Variants in ABTB3 observed in about 807,000 individuals in gnomAD.
ABTB3 encodes ankyrin repeat- and BTB/POZ domain-containing protein 3.
At chr12:107,543,690 G>A in the ABTB3 span, among the ~76,000 whole-genome samples, 1 of 152,052 alleles carries the variant, frequency 6.6e-6, no homozygotes, top group Non-Finnish European at 1.5e-5. Context: ...GGTTCCAGAA[G>A]GGCAGGATTA....
chr12:107,633,627 G>C, the ABTB3 span, among the ~76,000 whole-genome samples: 1 of 152,180 alleles, frequency 6.6e-6, no homozygotes, highest in African/African-American at 2.4e-5. Context: ...GCCTGAATGA[G>C]AGTGTGCATT....
At chr12:107,524,178 T>C in the ABTB3 span, among the ~76,000 whole-genome samples, 1 of 152,358 alleles carries the variant, frequency 6.6e-6, no homozygotes, top group Admixed American at 6.5e-5. Context: ...GGCACACAAA[T>C]GGGTGTTGCT....
the ABTB3 span, among the ~76,000 whole-genome samples, chr12:107,630,012 C>T: frequency 6.6e-6 from 1 of 152,102 alleles, no homozygotes. Context: ...TCCCAGGTAA[C>T]CAGGACAGAT....
the ABTB3 span, among the ~76,000 whole-genome samples, chr12:107,517,016 A>C: frequency 1.3e-5 from 2 of 152,206 alleles, no homozygotes; most frequent in South Asian, 4.1e-4. Flanking sequence ...CTAATATTTA[A>C]GTCTTTAATC....
the ABTB3 span, among the ~76,000 whole-genome samples, chr12:107,387,456 C>T: frequency 1.3e-5 from 2 of 152,208 alleles, no homozygotes; most frequent in Non-Finnish European, 2.9e-5. Flanking sequence ...GGGCTAGGTG[C>T]TGAGGGCTCA....
chr12:107,319,189 C>T, the ABTB3 span: 2 of 1,595,876 alleles, frequency 1.3e-6, no homozygotes, highest in Middle Eastern at 1.7e-4. Flanking sequence ...TGGACTGCGC[C>T]GGCCAGCACT....
At chr12:107,596,356 G>A in the ABTB3 span, among the ~76,000 whole-genome samples, 2 of 152,236 alleles carry the variant, frequency 1.3e-5, no homozygotes, top group Admixed American at 6.5e-5. Flanking sequence ...GCTCACGCCT[G>A]TAATCCCAGC....
At chr12:107,424,889 T>TTATG in the ABTB3 span, among the ~76,000 whole-genome samples, 1 of 152,188 alleles carries the variant, frequency 6.6e-6, no homozygotes, top group Admixed American at 6.5e-5. Context: ...CTGTTAGGTT[T>TTATG]GCCTGATTAA....
At chr12:107,471,594 T>C in the ABTB3 span, among the ~76,000 whole-genome samples, 3 of 152,196 alleles carry the variant, frequency 2.0e-5, no homozygotes, top group Non-Finnish European at 4.4e-5. Flanking sequence ...TACTTTGAGG[T>C]TGGTGTGAGC....
At chr12:107,343,074 G>A in the ABTB3 span, among the ~76,000 whole-genome samples, 16 of 152,240 alleles carry the variant, frequency 1.1e-4, no homozygotes, top group African/African-American at 3.9e-4. Flanking sequence ...GAGTGCAGGG[G>A]CACGATCATG....
At chr12:107,408,935 C>G in the ABTB3 span, among the ~76,000 whole-genome samples, 1 of 152,260 alleles carries the variant, frequency 6.6e-6, no homozygotes, top group Non-Finnish European at 1.5e-5. Context: ...TAGCCCACCC[C>G]TCCAAAAAGT....
the ABTB3 span, chr12:107,657,400 C>A: frequency 1.1e-6 from 1 of 927,360 alleles, no homozygotes; most frequent in Non-Finnish European, 1.7e-6. Context: ...AGACATTCTG[C>A]AGCCAGTCTT....
the ABTB3 span, among the ~76,000 whole-genome samples, chr12:107,324,221 T>C: frequency 0.54 from 81,852 of 151,574 alleles, 22,413 homozygotes; most frequent in East Asian, 0.72. Flanking sequence ...CCCACATGCT[T>C]AGGGTGGATG....
the ABTB3 span, chr12:107,580,948 G>A: frequency 1.2e-5 from 19 of 1,551,502 alleles, no homozygotes; most frequent in South Asian, 1.8e-4. Flanking sequence ...AGCCTGCCCC[G>A]GGGTCACCGG....
At chr12:107,629,168 G>A in the ABTB3 span, among the ~76,000 whole-genome samples, 10 of 152,234 alleles carry the variant, frequency 6.6e-5, no homozygotes, top group South Asian at 1.2e-3. Flanking sequence ...TGTAATCCCC[G>A]CACTTTGAGA....
At chr12:107,623,766 C>T in the ABTB3 span, among the ~76,000 whole-genome samples, 2 of 152,166 alleles carry the variant, frequency 1.3e-5, no homozygotes, top group African/African-American at 2.4e-5. Context: ...ATGGGACAGA[C>T]ATGTTCTTTA....
At chr12:107,341,152 A>C in the ABTB3 span, among the ~76,000 whole-genome samples, 1 of 152,194 alleles carries the variant, frequency 6.6e-6, no homozygotes, top group South Asian at 2.1e-4. Context: ...CTCCCGCAAT[A>C]GCTGGGCCAC....
chr12:107,601,606 G>A, the ABTB3 span, among the ~76,000 whole-genome samples: 1 of 152,300 alleles, frequency 6.6e-6, no homozygotes, highest in South Asian at 2.1e-4. Context: ...ACTGGGCCAT[G>A]CAGAGTGATC....
chr12:107,400,258 C>T, the ABTB3 span, among the ~76,000 whole-genome samples: 5 of 152,078 alleles, frequency 3.3e-5, no homozygotes, highest in Non-Finnish European at 5.9e-5. Context: ...TTAACTTACT[C>T]GATGATATGT....
Sources: gnomAD v4.1 joint callset for allele counts (sites outside exome capture counted in the v4.1 genomes callset) on GRCh38, gnomAD v4.1.1 for gene constraint, MANE v1.5 for transcripts, NCBI Gene and HGNC (gene_info 2026-07-23, HGNC 2026-07-21) for gene names.